The following MAFF variants were observed in gnomAD, a reference collection of about 807,000 sequenced individuals.
MAFF encodes MAF bZIP transcription factor F, also known as transcription factor MafF.
In MAFF, 4 loss-of-function variants were observed where a neutral mutation model predicts 2.7. That is an observed-to-expected ratio of 1.48 (90% CI 0.73 to 3.39). The LOEUF is 3.39. Among genes scored for constraint, MAFF ranks in the 30% most tolerant of loss-of-function variants. The pLI, the probability that MAFF is intolerant of heterozygous loss-of-function variation, is 0.01. For missense variants in MAFF, 190 were observed against 246.6 expected (o/e 0.77, Z 1.54); for synonymous variants, 113 against 119.4 (o/e 0.95, Z 0.35).
chr22:38,204,217 G>A (rs1205315417), intron 1 of MAFF, among the ~76,000 whole-genome samples: 1 of 152,196 alleles, frequency 6.6e-6, no homozygotes, highest in Non-Finnish European at 1.5e-5. Context: ...GGAGCTTATA[G>A]CTCAGCAGCG....
At chr22:38,213,404 G>A (rs1358877383) in intron 1 of MAFF, 8 of 339,508 alleles carry the variant, frequency 2.4e-5, no homozygotes, top group South Asian at 6.8e-5. Flanking sequence ...ATTGGCTTCC[G>A]TTTTGGTGGA....
chr22:38,214,518 C>T lies in MAFF; in HGVS notation c.135C>T (p.Ser45=). The T allele has an allele frequency of 1.9e-6, 3 of 1,610,428 alleles. No homozygotes were observed. Among genetic ancestry groups the T allele is most frequent in the Non-Finnish European group, 2.5e-6 (3 of 1,179,616 alleles). ...TGAACCGGCATCTGCGCGGGCTCTC[C>T]GCCGAGGAGGTGACACGGCTCAAGC... is the stretch of plus-strand genomic sequence containing the variant. ...RELNRHLRGL[S]AEEVTRLKQR... The change falls in exon 3 of 3, where the codon TCC becomes TCT. Residue 45 remains serine, a synonymous_variant. Coordinates refer to ENST00000338483, the MANE Select transcript of MAFF (RefSeq NM_012323.4). This position sits in a 1 kb window ranked among gnomAD's most constrained non-coding sequence, Gnocchi z 6.3.
At chr22:38,210,623 A>AGAGT (rs149088492) in intron 1 of MAFF, among the ~76,000 whole-genome samples, 4 of 132,920 alleles carry the variant, frequency 3.0e-5, no homozygotes, top group African/African-American at 1.1e-4. Context: ...GGACACAGGG[A>AGAGT]GTGTGTGTGT....
chr22:38,214,928 C>A lies in MAFF; in HGVS notation c.*50C>A. The stretch of plus-strand genomic sequence containing the variant: ...CACGCCCCTCCGGCCTCAGCTCCCT[C>A]CCCAAAGTGCCTGAGCGCCGCCTCT... On this transcript the variant is annotated 3_prime_UTR_variant, in exon 3 of 3. Coordinates refer to ENST00000338483, the MANE Select transcript of MAFF (RefSeq NM_012323.4). The surrounding 1 kb of genome is among the most constrained non-coding windows in gnomAD (Gnocchi z 6.3). The A allele has an allele frequency of 2.2e-6, 3 of 1,377,122 alleles. No individual in the cohort carries two copies. Among genetic ancestry groups the A allele is most frequent in the Non-Finnish European group, 3.0e-6 (3 of 1,000,268 alleles). The allele number at this position is 1,377,122 out of a possible 1,614,324, so 85.3% of individuals were successfully genotyped here.
chr22:38,211,039 C>T (rs531646836), intron 1 of MAFF, among the ~76,000 whole-genome samples: 2 of 150,888 alleles, frequency 1.3e-5, no homozygotes, highest in Admixed American at 6.6e-5. Flanking sequence ...CAGCCTGTAA[C>T]GGAGTGAGTG....
intron 1 of MAFF, among the ~76,000 whole-genome samples, chr22:38,206,813 G>C (rs998059460): frequency 6.6e-6 from 1 of 152,196 alleles, no homozygotes; most frequent in Admixed American, 6.5e-5. Flanking sequence ...TAACTTGCGT[G>C]GGGAGAGGCT....
intron 1 of MAFF, chr22:38,205,762 C>T (rs1284767618): frequency 6.6e-6 from 1 of 152,260 alleles, no homozygotes; most frequent in Non-Finnish European, 1.5e-5. Context: ...TTGGTTGCCT[C>T]AGGTGCTGAA....
At position 38,214,354 on chromosome 22, in the gene MAFF, A is replaced by T; in HGVS notation, c.37-66A>T. ...CGGCGGCTAAGGCGGTGAAAGAGGA[A>T]CACCGCGGGTGGAGCGGGGGGGCCC... On this transcript the variant is annotated intron_variant, in intron 2 of 2. Coordinates refer to ENST00000338483, the MANE Select transcript of MAFF (RefSeq NM_012323.4). This position sits in a 1 kb window ranked among gnomAD's most constrained non-coding sequence, Gnocchi z 6.3. The T allele has an allele frequency of 7.0e-7, 1 of 1,429,350 alleles. No individual in the cohort carries two copies. Among genetic ancestry groups the T allele is most frequent in the Non-Finnish European group, 9.3e-7 (1 of 1,072,796 alleles). 88.5% of individuals were successfully genotyped at this position (1,429,350 alleles called of 1,614,324 possible). A position where few individuals can be genotyped will look rare whatever the true frequency, so the allele number is the denominator to read the frequency against.
At position 38,214,785 on chromosome 22, in the gene MAFF, C is replaced by T; in HGVS notation, c.402C>T (p.Ala134=). 4.1e-6 allele frequency: 6 copies of T among 1,463,966 alleles called. No homozygotes were observed. The South Asian group carries it at 7.9e-5, about 19-fold the overall frequency. 90.7% of individuals were successfully genotyped at this position (1,463,966 alleles called of 1,614,324 possible). ...ARGPATLVAP[A]SVITIVKSTP... ...GGCCCGCCACGCTCGTGGCGCCGGC[C>T]AGCGTCATCACCATCGTCAAGTCCA... The change falls in exon 3 of 3, where the codon GCC becomes GCT. Residue 134 remains alanine (A), a synonymous_variant. Transcript: ENST00000338483. The surrounding 1 kb of genome is among the most constrained non-coding windows in gnomAD (Gnocchi z 6.3).
chr22:38,210,373 C>G (rs1250470861), intron 1 of MAFF, among the ~76,000 whole-genome samples: 1 of 152,134 alleles, frequency 6.6e-6, no homozygotes, highest in Non-Finnish European at 1.5e-5. Flanking sequence ...CCTGAGAAGC[C>G]CTGGACTGTC....
At position 38,215,793 on chromosome 22, in the gene MAFF, G is replaced by A. The variant is rs974333454; in HGVS notation, c.*915G>A. 4.2e-5 allele frequency: 7 copies of A among 167,116 alleles called. No homozygotes were observed. Among genetic ancestry groups the A allele is most frequent in the Non-Finnish European group, 7.3e-5 (5 of 68,134 alleles). The allele number at this position is 167,116 out of a possible 1,614,324, so 10.4% of individuals were successfully genotyped here. ...GTCTGGAGTGGGGTCCTAAGAAGAA[G>A]GGTCCCACCTCAACCCCTGTCAGTG... On this transcript the variant is annotated 3_prime_UTR_variant, in exon 3 of 3. Coordinates refer to ENST00000338483, the MANE Select transcript of MAFF (RefSeq NM_012323.4).
In MAFF at chr22:38,210,623, A is replaced by AGTGTGTGTGTGTGTGTGTGTGT. The variant is rs71195095; in HGVS notation, c.-31-3183_-31-3162dup. On this transcript the variant is annotated intron_variant, in intron 1 of 2. Coordinates refer to ENST00000338483, the MANE Select transcript of MAFF (RefSeq NM_012323.4). ...CCTGAGGTGGGGAAGGGACACAGGG[A>AGTGTGTGTGTGTGTGTGTGTGT]GTGTGTGTGTGTGTGTGTGTGTGTG... Among the ~76,000 whole-genome samples, 317 of 132,990 alleles carry AGTGTGTGTGTGTGTGTGTGTGT rather than the reference A, an allele frequency of 2.4e-3. 2 individuals are homozygous for AGTGTGTGTGTGTGTGTGTGTGT. Among genetic ancestry groups the AGTGTGTGTGTGTGTGTGTGTGT allele is most frequent in the Non-Finnish European group, 4.2e-3 (264 of 62,918 alleles). 87.2% of individuals were successfully genotyped at this position (132,990 alleles called of 152,430 possible).
intron 1 of MAFF, among the ~76,000 whole-genome samples, chr22:38,207,036 CAG>C (rs1214360652): frequency 1.3e-5 from 2 of 152,128 alleles, no homozygotes; most frequent in Non-Finnish European, 2.9e-5. Flanking sequence ...GCTAGGGAAA[CAG>C]GGCCCAGGGA....
chr22:38,211,129 G>C (rs1283224853), intron 1 of MAFF, among the ~76,000 whole-genome samples: 1 of 152,110 alleles, frequency 6.6e-6, no homozygotes, highest in Non-Finnish European at 1.5e-5. Flanking sequence ...GGAGAGGAGC[G>C]TGCATCCTGT....
intron 1 of MAFF, among the ~76,000 whole-genome samples, chr22:38,204,691 G>T (rs2091038730): frequency 6.6e-6 from 1 of 152,214 alleles, no homozygotes; most frequent in Non-Finnish European, 1.5e-5. Context: ...ACACAGGCAT[G>T]CACTGCCCGC....
At chr22:38,208,436 C>T (rs920978437) in intron 1 of MAFF, among the ~76,000 whole-genome samples, 1 of 152,244 alleles carries the variant, frequency 6.6e-6, no homozygotes, top group African/African-American at 2.4e-5. Context: ...CCTCTGCTCT[C>T]TTCCCATTCG....
chr22:38,208,046 G>A (rs928191126), intron 1 of MAFF, among the ~76,000 whole-genome samples: 2 of 152,192 alleles, frequency 1.3e-5, no homozygotes, highest in Non-Finnish European at 2.9e-5. Flanking sequence ...GGAGGAGGCA[G>A]GACCTGATGG....
rs2091122935 is a variant in MAFF at position 38,214,014 on chromosome 22, T to C, written c.36+125T>C. The C allele has an allele frequency of 2.0e-6, 2 of 1,019,440 alleles. No individual in the cohort carries two copies. The highest frequency in any genetic ancestry group is 1.5e-6 in the Non-Finnish European group (1 of 672,010). 63.1% of individuals were successfully genotyped at this position (1,019,440 alleles called of 1,614,324 possible). ...TGGCTCAGCAGGCACCAGGCCTTCATGATGCCAAAGGGAAGGGCCACAGCC... is the reference window on the plus strand; with the variant it reads ...TGGCTCAGCAGGCACCAGGCCTTCACGATGCCAAAGGGAAGGGCCACAGCC... On this transcript the variant is annotated intron_variant, in intron 2 of 2. Transcript: ENST00000338483. This position sits in a 1 kb window ranked among gnomAD's most constrained non-coding sequence, Gnocchi z 6.3.
Position 38,214,752 on chromosome 22 carries a change from C to T in MAFF, c.369C>T (p.Ala123=). 1 of 1,405,634 alleles carries T rather than the reference C, an allele frequency of 7.1e-7. No homozygotes were observed. The highest frequency in any genetic ancestry group is 9.2e-7 in the Non-Finnish European group (1 of 1,088,946). 87.1% of individuals were successfully genotyped at this position (1,405,634 alleles called of 1,614,324 possible). A position where few individuals can be genotyped will look rare whatever the true frequency, so the allele number is the denominator to read the frequency against. ...AGGGCTTCGCGCGCTCCGTGGCCGC[C>T]GCCCGCGGGCCCGCCACGCTCGTGG... is the stretch of plus-strand genomic sequence containing the variant. ...ALQGFARSVA[A]ARGPATLVAP... Residue 123 remains alanine, a synonymous_variant, in exon 3 of 3, where the codon GCC becomes GCT. Coordinates refer to ENST00000338483, the MANE Select transcript of MAFF (RefSeq NM_012323.4). This position sits in a 1 kb window ranked among gnomAD's most constrained non-coding sequence, Gnocchi z 6.3.
Sources: allele counts gnomAD v4.1 joint callset (sites outside exome capture counted in the v4.1 genomes callset), GRCh38; gene constraint gnomAD v4.1.1; non-coding constraint Gnocchi (gnomAD v3.1); transcripts MANE v1.5; gene names NCBI Gene and HGNC (gene_info 2026-07-23, HGNC 2026-07-21).